DENND5B: variants seen among roughly 807,000 people sequenced by gnomAD.
DENND5B encodes the protein DENN domain containing 5B, also known as DENN domain-containing protein 5B.
Under a neutral mutation model 140.6 loss-of-function variants are expected in DENND5B, and 34 were observed. The ratio of observed to expected loss-of-function variants is 0.24; its 90% CI spans 0.18 to 0.32. The LOEUF (loss-of-function observed/expected upper bound fraction) is 0.32. Ranked by LOEUF, DENND5B falls within the 10% of genes least tolerant of loss-of-function variation. The pLI, the probability that DENND5B is intolerant of heterozygous loss-of-function variation, is 1.00. For missense variants in DENND5B, 1,142 were observed against 1,560.2 expected, an observed-to-expected ratio of 0.73 and a Z score of 4.52; for synonymous variants, 551 against 562.1, an observed-to-expected ratio of 0.98 and a Z score of 0.28.
chr12:31,399,172 T>C (rs1405128553), intron 16 of DENND5B, among the ~76,000 whole-genome samples: 2 of 150,144 alleles, frequency 1.3e-5, no homozygotes, highest in Non-Finnish European at 3.0e-5. Flanking sequence ...AAAAAGTTTT[T>C]TGGGGGGCAA....
At chr12:31,502,938 C>G (rs1947067637) in intron 1 of DENND5B, among the ~76,000 whole-genome samples, 1 of 152,124 alleles carries the variant, frequency 6.6e-6, no homozygotes, top group Admixed American at 6.6e-5. Context: ...GAGGAACAGC[C>G]AGGGCTGTGA....
At chr12:31,423,735 C>T (rs1943124363) in intron 10 of DENND5B, 60 bp from the exon 11 acceptor site, 2 of 1,531,920 alleles carry the variant, frequency 1.3e-6, no homozygotes, top group Non-Finnish European at 1.8e-6. Context: ...AATAATTTCT[C>T]ATCCAAATCA....
At chr12:31,485,744 T>C (rs917381241) in intron 2 of DENND5B, among the ~76,000 whole-genome samples, 1 of 150,884 alleles carries the variant, frequency 6.6e-6, no homozygotes, top group African/African-American at 2.4e-5. Context: ...CTCCTCTCTC[T>C]CTCTCTCTCT....
At chr12:31,394,615 C>T (rs866037117) in intron 17 of DENND5B, among the ~76,000 whole-genome samples, 26,719 of 137,532 alleles carry the variant, frequency 0.19, 2,885 homozygotes, top group Non-Finnish European at 0.25. Context: ...ACCCTGTGCT[C>T]TTTTTTTTTT....
At chr12:31,431,046 GGA>G (rs143601051) in intron 8 of DENND5B, among the ~76,000 whole-genome samples, 4 of 152,216 alleles carry the variant, frequency 2.6e-5, no homozygotes, top group Admixed American at 6.5e-5. Context: ...GAAAAATATA[GGA>G]GAGAGACTTT....
intron 1 of DENND5B, among the ~76,000 whole-genome samples, chr12:31,586,741 A>G (rs1305637482): frequency 4.6e-5 from 7 of 152,186 alleles, no homozygotes; most frequent in Non-Finnish European, 1.0e-4. Context: ...AAGAAAGTCT[A>G]TGAAGCAACT....
chr12:31,421,684 G>C (rs1023435661), intron 11 of DENND5B, among the ~76,000 whole-genome samples: 2 of 151,994 alleles, frequency 1.3e-5, no homozygotes, highest in Admixed American at 6.6e-5. Flanking sequence ...TGAGTAGCTG[G>C]GATTACAGAT....
chr12:31,572,124 T>C (rs553559889), intron 1 of DENND5B, among the ~76,000 whole-genome samples: 49 of 151,788 alleles, frequency 3.2e-4, no homozygotes, highest in African/African-American at 9.7e-4. Flanking sequence ...CTTGGGAGGC[T>C]GAAGCAGGAG....
intron 1 of DENND5B, among the ~76,000 whole-genome samples, chr12:31,555,162 GT>G (rs1323741560): frequency 6.6e-6 from 1 of 152,064 alleles, no homozygotes; most frequent in East Asian, 1.9e-4. Flanking sequence ...TTTTTCTGCT[GT>G]TTTTTTCCCA....
intron 1 of DENND5B, among the ~76,000 whole-genome samples, chr12:31,521,539 A>T (rs1159371668): frequency 6.6e-6 from 1 of 152,162 alleles, no homozygotes. Flanking sequence ...ATTTCAATTA[A>T]ATTTAAGAAA....
chr12:31,586,538 A>G (rs1415684066), intron 1 of DENND5B, among the ~76,000 whole-genome samples: 1 of 152,200 alleles, frequency 6.6e-6, no homozygotes, highest in Non-Finnish European at 1.5e-5. Context: ...TCAGCTATTA[A>G]GAGTTCTACG....
chr12:31,437,335 T>G (rs967519812), intron 7 of DENND5B, among the ~76,000 whole-genome samples: 2 of 152,078 alleles, frequency 1.3e-5, no homozygotes, highest in African/African-American at 4.8e-5. Flanking sequence ...GGGGTTTCAC[T>G]GTGTTAGCCA....
At chr12:31,531,947 G>A (rs1020592964) in intron 1 of DENND5B, among the ~76,000 whole-genome samples, 2 of 152,096 alleles carry the variant, frequency 1.3e-5, no homozygotes, top group Non-Finnish European at 2.9e-5. Flanking sequence ...CTCAGGTAAC[G>A]TTTATGGAGC....
At chr12:31,455,411 G>C (rs1944723988) in intron 4 of DENND5B, among the ~76,000 whole-genome samples, 2 of 152,156 alleles carry the variant, frequency 1.3e-5, no homozygotes, top group South Asian at 2.1e-4. Flanking sequence ...TCCTATGTCT[G>C]CTTAAGAAGG....
intron 7 of DENND5B, among the ~76,000 whole-genome samples, chr12:31,438,537 G>A (rs552983258): frequency 6.6e-6 from 1 of 152,184 alleles, no homozygotes; most frequent in South Asian, 2.1e-4. Flanking sequence ...AAGCAAAAGA[G>A]CAATGTAAGA....
At chr12:31,574,102 TAA>T (rs75982800) in intron 1 of DENND5B, among the ~76,000 whole-genome samples, 3 of 141,002 alleles carry the variant, frequency 2.1e-5, no homozygotes, top group Non-Finnish European at 3.1e-5. Flanking sequence ...TCTACAAAAA[TAA>T]AAAAAAAAAT....
At position 31,451,964 on chromosome 12, in the gene DENND5B, C is replaced by T. The variant is rs767935418; in HGVS notation, c.1605G>A (p.Arg535=). Residue 535 remains arginine (R), a synonymous_variant, in exon 5 of 21, where the codon CGG becomes CGA. Coordinates refer to ENST00000389082, the MANE Select transcript of DENND5B (RefSeq NM_144973.4). ...AQDMESWLTN[R]EQMQNFDKAS... ...CTTTGTCAAAGTTCTGCATCTGTTC[C>T]CGGTTGGTCAGCCAGGATTCCATGT... The T allele has an allele frequency of 5.0e-5, 81 of 1,613,352 alleles. 1 individual carries two copies. The highest frequency in any genetic ancestry group is 5.9e-5 in the Non-Finnish European group (70 of 1,179,764).
At chr12:31,531,499 T>C (rs899157780) in intron 1 of DENND5B, among the ~76,000 whole-genome samples, 1 of 152,214 alleles carries the variant, frequency 6.6e-6, no homozygotes, top group Non-Finnish European at 1.5e-5. Flanking sequence ...CCCAGCCAGC[T>C]CTAACTTGTA....
At chr12:31,504,189 T>C in intron 1 of DENND5B, among the ~76,000 whole-genome samples, 1 of 152,216 alleles carries the variant, frequency 6.6e-6, no homozygotes, top group East Asian at 1.9e-4. Context: ...GGACATATAT[T>C]TAAACAGATA....
Sources: gnomAD v4.1 joint callset for allele counts (sites outside exome capture counted in the v4.1 genomes callset) on GRCh38, gnomAD v4.1.1 for gene constraint, MANE v1.5 for transcripts, NCBI Gene and HGNC (gene_info 2026-07-23, HGNC 2026-07-21) for gene names.